TSNAXIP1: variants seen among roughly 807,000 people sequenced by gnomAD.
TSNAXIP1 encodes the protein translin associated factor X interacting protein 1.
In TSNAXIP1, 89 loss-of-function variants were observed where a neutral mutation model predicts 84.8. The observed-to-expected ratio is 1.05, with a 90% CI of 0.88 to 1.25. The LOEUF (loss-of-function observed/expected upper bound fraction) is 1.25, where lower values mean the gene tolerates loss of function less well. Ranked by LOEUF, TSNAXIP1 falls within the 50% of genes most tolerant of loss-of-function variation. TSNAXIP1 has a pLI of 0.00. For missense variants in TSNAXIP1, 874 were observed against 887.6 expected (o/e 0.98, Z 0.20); for synonymous variants, 347 against 335.2 (o/e 1.04, Z -0.39).
chr16:67,827,292 A>C lies in TSNAXIP1; in HGVS notation c.1708A>C (p.Ile570Leu), dbSNP rs1237308377. ...STFPLKTEEQ[I>L]QELMEAGGWH... ...CTTCCCTCTCAAGACAGAAGAGCAA[A>C]TCCAGGAGCTGATGGAGGCAGGGGG... The change falls in exon 14 of 16, where the codon ATC (isoleucine) becomes CTC (leucine). Residue 570 changes from isoleucine to leucine, a missense_variant. Physicochemically the swap from Ile to Leu is conservative, Grantham distance 5. Coordinates refer to ENST00000561639, the MANE Select transcript of TSNAXIP1 (RefSeq NM_001288990.3). 6.2e-7 allele frequency: 1 copy of C among 1,614,200 alleles called. No individual in the cohort carries two copies.
chr16:67,825,369 C>G (rs1328460516), intron 7 of TSNAXIP1, 97 bp downstream of exon 7: 4 of 1,510,564 alleles, frequency 2.6e-6, no homozygotes, highest in Non-Finnish European at 3.6e-6. Flanking sequence ...TTCCTAAGAC[C>G]TGCTCATTCC....
At chr16:67,809,625 C>CAAAA (rs972655441) in intron 1 of TSNAXIP1, among the ~76,000 whole-genome samples, 6 of 146,252 alleles carry the variant, frequency 4.1e-5, no homozygotes, top group South Asian at 2.1e-4. Context: ...GACTCCGTCT[C>CAAAA]AAAAAAAAAT....
chr16:67,816,132 A>AT (rs534819067), intron 2 of TSNAXIP1, among the ~76,000 whole-genome samples: 29 of 151,290 alleles, frequency 1.9e-4, no homozygotes, highest in Admixed American at 7.9e-4. Flanking sequence ...CACCTGGCTA[A>AT]TTTTTTTTGT....
At chr16:67,820,747 A>AC in intron 2 of TSNAXIP1, 92 bp from the exon 3 acceptor site, 1 of 1,021,122 alleles carries the variant, frequency 9.8e-7, no homozygotes, top group Non-Finnish European at 1.4e-6. Flanking sequence ...GTCTCAAAAA[A>AC]AAAAAGTCAG....
intron 5 of TSNAXIP1, 119 bp downstream of exon 5, chr16:67,823,838 G>T: frequency 1.3e-6 from 1 of 758,978 alleles, no homozygotes; most frequent in Non-Finnish European, 2.1e-6. Flanking sequence ...CCAACATGGT[G>T]AAACCCTGTC....
intron 6 of TSNAXIP1, 144 bp downstream of exon 6, chr16:67,824,923 C>A: frequency 9.0e-7 from 1 of 1,112,452 alleles, no homozygotes; most frequent in Non-Finnish European, 1.3e-6. Flanking sequence ...CTAACTCCAC[C>A]CTCTGCCCTG....
chr16:67,807,392 G>A, intron 1 of TSNAXIP1, 196 bp downstream of exon 1: 1 of 1,525,396 alleles, frequency 6.6e-7, no homozygotes, highest in Non-Finnish European at 8.8e-7. Flanking sequence ...AACGGTAGGC[G>A]CACTTTATCA....
At chr16:67,817,833 C>T (rs1239019831) in intron 2 of TSNAXIP1, among the ~76,000 whole-genome samples, 2 of 151,736 alleles carry the variant, frequency 1.3e-5, no homozygotes, top group African/African-American at 4.8e-5. Context: ...TTGCAGTGAG[C>T]CAAGATAGTG....
Position 67,814,355 on chromosome 16 carries a change from A to G in TSNAXIP1, c.101A>G (p.Asp34Gly), listed in dbSNP as rs2056366753. 4 of 1,535,954 alleles carry G rather than the reference A, an allele frequency of 2.6e-6. No individual in the cohort carries two copies. Among genetic ancestry groups the G allele is most frequent in the Middle Eastern group, 1.7e-4 (1 of 6,012 alleles). The stretch of plus-strand genomic sequence containing the variant: ...ATAGACGAATCCTTTCTCACAGAAG[A>G]CAAGAGCACCCAGAATCGCAAGCTT... ...VTIDESFLTEDKSTQNRKLLQ... is the reference protein window; with the variant it reads ...VTIDESFLTEGKSTQNRKLLQ... Residue 34 changes from aspartate to glycine, a missense_variant, in exon 2 of 16, where the codon GAC becomes GGC. Asp to Gly is a moderately conservative substitution (Grantham distance 94). Coordinates refer to ENST00000561639, the MANE Select transcript of TSNAXIP1 (RefSeq NM_001288990.3).
chr16:67,818,394 G>A (rs1203167022), intron 2 of TSNAXIP1, among the ~76,000 whole-genome samples: 1 of 152,084 alleles, frequency 6.6e-6, no homozygotes, highest in East Asian at 1.9e-4. Context: ...GTGTGCCCAT[G>A]TAGTCCTAGC....
chr16:67,823,706 T>C lies in TSNAXIP1; in HGVS notation c.468T>C (p.Tyr156=), dbSNP rs1205855887. The stretch of plus-strand genomic sequence containing the variant: ...TACTATCCTCCATCAAGAATGCGTA[T>C]GAGGGGATGCTGGGTAAGAATGCAC... The part of the protein sequence containing the change: ...KPLLSSIKNA[Y]EGMLAHQREK... Residue 156 remains tyrosine (Y), a synonymous_variant, in exon 5 of 16, where the codon TAT becomes TAC. Coordinates refer to ENST00000561639, the MANE Select transcript of TSNAXIP1 (RefSeq NM_001288990.3). The C allele has an allele frequency of 6.2e-7, 1 of 1,612,960 alleles. No individual in the cohort carries two copies. Among genetic ancestry groups the C allele is most frequent in the Admixed American group, 1.7e-5 (1 of 59,936 alleles).
At position 67,824,606 on chromosome 16, in the gene TSNAXIP1, G is replaced by T; in HGVS notation, c.505G>T (p.Ala169Ser). The change falls in exon 6 of 16, where the codon GCT (alanine) becomes TCT (serine). Residue 169 changes from alanine to serine, a missense_variant. By Grantham distance (99) the Ala-to-Ser change is moderately conservative. Coordinates refer to ENST00000561639, the MANE Select transcript of TSNAXIP1 (RefSeq NM_001288990.3). ...MLAHQREKIR[A>S]LEPLKAKLVT... ...AGCCCACCAAAGGGAGAAGATTCGGGCTCTGGAGCCCCTGAAGGCCAAGCT... is the reference window on the plus strand; with the variant it reads ...AGCCCACCAAAGGGAGAAGATTCGGTCTCTGGAGCCCCTGAAGGCCAAGCT... 1 of 1,613,990 alleles carries T rather than the reference G, an allele frequency of 6.2e-7. No individual in the cohort carries two copies. Among genetic ancestry groups the T allele is most frequent in the Non-Finnish European group, 8.5e-7 (1 of 1,179,966 alleles).
At chr16:67,811,675 C>A (rs916023820) in intron 1 of TSNAXIP1, among the ~76,000 whole-genome samples, 1 of 151,916 alleles carries the variant, frequency 6.6e-6, no homozygotes, top group African/African-American at 2.4e-5. Context: ...AACTCCTGAC[C>A]TCGTGATTTG....
intron 1 of TSNAXIP1, among the ~76,000 whole-genome samples, chr16:67,810,476 G>A (rs1480819522): frequency 1.3e-5 from 2 of 151,732 alleles, no homozygotes; most frequent in African/African-American, 2.4e-5. Context: ...AAAATTAGCC[G>A]GGCTTGGTGG....
At chr16:67,817,640 C>T (rs184072400) in intron 2 of TSNAXIP1, among the ~76,000 whole-genome samples, 1,530 of 149,686 alleles carry the variant, frequency 0.01, 21 homozygotes, top group Admixed American at 0.012. Context: ...GCCTGTAATC[C>T]CAGCACTTTG....
chr16:67,825,731 C>A lies in TSNAXIP1; in HGVS notation c.879C>A (p.Thr293=), dbSNP rs2057386960. 7 of 1,614,040 alleles carry A rather than the reference C, an allele frequency of 4.3e-6. No homozygotes were observed. The highest frequency in any genetic ancestry group is 5.9e-6 in the Non-Finnish European group (7 of 1,180,040). The part of the protein sequence containing the change: ...LALKMTRQDL[T]RTQMELNNMK... ...TTAAGATGACCCGGCAAGACCTGAC[C>A]CGCACGCAGATGGAACTCAACAACA... Residue 293 remains threonine (T), a synonymous_variant, in exon 8 of 16, where the codon ACC becomes ACA. Coordinates refer to ENST00000561639, the MANE Select transcript of TSNAXIP1 (RefSeq NM_001288990.3).
intron 4 of TSNAXIP1, among the ~76,000 whole-genome samples, chr16:67,821,747 C>T (rs183943041): frequency 2.0e-5 from 3 of 151,314 alleles, no homozygotes; most frequent in Admixed American, 1.3e-4. Flanking sequence ...CCCAGCACTT[C>T]GGGAGGCTGA....
In TSNAXIP1 at chr16:67,826,763, G is replaced by T. The variant is rs1396461091; in HGVS notation, c.1473G>T (p.Trp491Cys). 6.2e-6 allele frequency: 10 copies of T among 1,614,024 alleles called. No homozygotes were observed. Among genetic ancestry groups the T allele is most frequent in the Non-Finnish European group, 7.6e-6 (9 of 1,180,048 alleles). Residue 491 changes from tryptophan (W) to cysteine (C), a missense_variant, in exon 12 of 16, where the codon TGG (tryptophan) becomes TGT (cysteine). Physicochemically the swap from Trp to Cys is radical, Grantham distance 215. Coordinates refer to ENST00000561639, the MANE Select transcript of TSNAXIP1 (RefSeq NM_001288990.3). ...TTGGGCCCAGTGATGCCATGGCCTG[G>T]GCTTATACTATTTTTGAAAATATCA... ...HRFGPSDAMA[W>C]AYTIFENIKI...
intron 2 of TSNAXIP1, among the ~76,000 whole-genome samples, chr16:67,817,435 C>G (rs1347588802): frequency 2.7e-5 from 4 of 149,356 alleles, no homozygotes; most frequent in Non-Finnish European, 5.9e-5. Context: ...CGTGAGCCAC[C>G]GCGCCCGGCC....
Sources: allele counts gnomAD v4.1 joint callset (sites outside exome capture counted in the v4.1 genomes callset), GRCh38; gene constraint gnomAD v4.1.1; transcripts MANE v1.5; gene names NCBI Gene and HGNC (gene_info 2026-07-23, HGNC 2026-07-21).